SBF2: variants seen among roughly 807,000 people sequenced by gnomAD.
SBF2 encodes the protein SET binding factor 2.
A neutral mutation model predicts 225.2 loss-of-function variants in SBF2; 112 were observed. The observed-to-expected ratio is 0.50, with a 90% confidence interval of 0.43 to 0.58. The LOEUF is 0.58. Ranked by LOEUF, SBF2 falls within the 20% of genes least tolerant of loss-of-function variation. The pLI is 0.00. For synonymous variants in SBF2, 763 were observed against 773.3 expected (o/e 0.99, Z 0.22); for missense variants, 1,996 against 2,206.2 (o/e 0.90, Z 1.91).
upstream of SBF2, among the ~76,000 whole-genome samples, chr11:10,298,183 G>C (rs1027665398): frequency 6.6e-6 from 1 of 152,174 alleles, no homozygotes; most frequent in Non-Finnish European, 1.5e-5. Context: ...CTAAGGTCAG[G>C]AGTTCAAGAC....
intron 2 of SBF2, among the ~76,000 whole-genome samples, chr11:10,145,059 G>A (rs1954824478): frequency 6.6e-6 from 1 of 152,168 alleles, no homozygotes; most frequent in Admixed American, 6.5e-5. Flanking sequence ...GGAGTATGGG[G>A]ATTAGGAATT....
intron 2 of SBF2, among the ~76,000 whole-genome samples, chr11:10,130,594 T>A (rs998511884): frequency 6.6e-6 from 1 of 151,850 alleles, no homozygotes. Context: ...TGTCATTTTA[T>A]CACATGCATA....
intron 1 of SBF2, among the ~76,000 whole-genome samples, chr11:10,226,326 T>G (rs1179423156): frequency 3.3e-5 from 5 of 152,146 alleles, no homozygotes; most frequent in Non-Finnish European, 7.3e-5. Flanking sequence ...ATGTATTTTT[T>G]TCTTAATTTT....
At position 9,962,121 on chromosome 11, in the gene SBF2, G is replaced by A. The variant is rs566685740; in HGVS notation, c.1711-15C>T. The A allele has an allele frequency of 5.6e-6, 9 of 1,613,384 alleles. No homozygotes were observed. The South Asian group carries it at 8.8e-5, about 16-fold the overall frequency. On this transcript the variant is annotated splice_polypyrimidine_tract_variant and intron_variant, in intron 15 of 39. Coordinates refer to ENST00000256190, the MANE Select transcript of SBF2 (RefSeq NM_030962.4). ...GCAGGAAGGGTCTGAGGACAAGAGA[G>A]GTACAAATGACCAAATGGTACCACT...
chr11:9,807,463 A>T (rs1386823493), intron 32 of SBF2, among the ~76,000 whole-genome samples: 1 of 152,220 alleles, frequency 6.6e-6, no homozygotes, highest in Non-Finnish European at 1.5e-5. Flanking sequence ...TCATTGCAAA[A>T]GACATGATTT....
At chr11:10,104,579 T>A (rs958573785) in intron 2 of SBF2, among the ~76,000 whole-genome samples, 27 of 152,190 alleles carry the variant, frequency 1.8e-4, no homozygotes, top group Non-Finnish European at 3.4e-4. Context: ...GCTGGTACTG[T>A]GCTAAGAGCT....
At chr11:10,027,138 A>C (rs1793858316) in intron 6 of SBF2, among the ~76,000 whole-genome samples, 1 of 152,140 alleles carries the variant, frequency 6.6e-6, no homozygotes, top group South Asian at 2.1e-4. Context: ...AGTATACAAT[A>C]CATTGTTATT....
rs533392432 is a variant in SBF2 at position 10,187,084 on chromosome 11, G to C, written c.141+6818C>G. On this transcript the variant is annotated intron_variant, in intron 2 of 39. Coordinates refer to ENST00000256190, the MANE Select transcript of SBF2 (RefSeq NM_030962.4). ...ATTACAGCTAACTGGCTTTGTGATT[G>C]ACTTCTGATTAATAGAATATGGATA... is the stretch of plus-strand genomic sequence containing the variant. Among the ~76,000 whole-genome samples, 4 of 152,228 alleles carry C rather than the reference G, an allele frequency of 2.6e-5. No homozygotes were observed. The East Asian group carries it at 7.7e-4, about 29-fold the overall frequency.
intron 16 of SBF2, among the ~76,000 whole-genome samples, chr11:9,907,289 C>T (rs1590396406): frequency 6.6e-6 from 1 of 152,134 alleles, no homozygotes. Context: ...CCCACCCGAC[C>T]ATATGGGCCC....
At chr11:10,075,336 A>G (rs533643776) in intron 2 of SBF2, among the ~76,000 whole-genome samples, 1 of 152,366 alleles carries the variant, frequency 6.6e-6, no homozygotes, top group Non-Finnish European at 1.5e-5. Flanking sequence ...ACACTGTTAT[A>G]GAATTATGAC....
At chr11:10,142,922 C>T (rs1049993013) in intron 2 of SBF2, among the ~76,000 whole-genome samples, 1 of 152,188 alleles carries the variant, frequency 6.6e-6, no homozygotes. Flanking sequence ...AAAGGTACCA[C>T]TTGGCAATGC....
chr11:10,225,831 C>T lies in SBF2; in HGVS notation c.56-31844G>A, dbSNP rs1958517200. Among the ~76,000 whole-genome samples the T allele has an allele frequency of 1.3e-5, 2 of 152,110 alleles. 1 individual carries two copies. Among genetic ancestry groups the T allele is most frequent in the South Asian group, 4.1e-4 (2 of 4,832 alleles). ...GCAAAAGTTAAATTGACTGACAATGCCCACAGCTGATGAGATCTTTTTTAA... is the reference window on the plus strand; with the variant it reads ...GCAAAAGTTAAATTGACTGACAATGTCCACAGCTGATGAGATCTTTTTTAA... On this transcript the variant is annotated intron_variant, in intron 1 of 39. Transcript: ENST00000256190.
chr11:10,049,335 G>A (rs977383750), intron 2 of SBF2, among the ~76,000 whole-genome samples: 4 of 152,126 alleles, frequency 2.6e-5, no homozygotes, highest in Non-Finnish European at 2.9e-5. Context: ...GGCTGGGTGC[G>A]ATGGCTCACG....
chr11:9,905,221 CTA>C (rs1483444134), intron 16 of SBF2, among the ~76,000 whole-genome samples: 1 of 152,164 alleles, frequency 6.6e-6, no homozygotes, highest in African/African-American at 2.4e-5. Context: ...ATATCACACT[CTA>C]TTGTGATTAT....
Position 9,781,543 on chromosome 11 carries a change from T to G in SBF2, c.5415A>C (p.Gly1805=). 1 of 1,614,200 alleles carries G rather than the reference T, an allele frequency of 6.2e-7. No homozygotes were observed. Residue 1805 remains glycine (G), a synonymous_variant, in exon 39 of 40, where the codon GGA becomes GGC. Transcript: ENST00000256190. Reference sequence around the variant, plus strand: ...CCTTGTCACTTGTGTGCTTTGGGGCTCCCATGCTGGGGCCAGCAGGGATGA... The same window carrying G: ...CCTTGTCACTTGTGTGCTTTGGGGCGCCCATGCTGGGGCCAGCAGGGATGA... ...EMVIPAGPSM[G]APKHTSDKAF... is the part of the protein sequence containing the mutation.
intron 1 of SBF2, among the ~76,000 whole-genome samples, chr11:10,280,880 CA>C (rs1963363566): frequency 6.6e-6 from 1 of 152,110 alleles, no homozygotes; most frequent in African/African-American, 2.4e-5. Flanking sequence ...TCTCCTTACC[CA>C]AAAATTGGAC....
chr11:9,950,670 A>G (rs977787356), intron 16 of SBF2, among the ~76,000 whole-genome samples: 1 of 152,204 alleles, frequency 6.6e-6, no homozygotes, highest in Admixed American at 6.5e-5. Flanking sequence ...AATTATCAAC[A>G]TGTCCGTCAA....
chr11:9,919,171 C>A (rs1172353477), intron 16 of SBF2, among the ~76,000 whole-genome samples: 1 of 152,090 alleles, frequency 6.6e-6, no homozygotes, highest in Non-Finnish European at 1.5e-5. Context: ...TTTCTTTATA[C>A]CACTATTGTT....
rs750147673 is a variant in SBF2, at chr11:9,877,199, T to C, written c.1929+18744A>G. On this transcript the variant is annotated intron_variant, in intron 17 of 39. Transcript: ENST00000256190. Reference sequence around the variant, plus strand: ...CCATAATAACAATACAAAGTATTAGTATTTCTATGACAACAATGATGATCA... The same window carrying C: ...CCATAATAACAATACAAAGTATTAGCATTTCTATGACAACAATGATGATCA... Among the ~76,000 whole-genome samples the C allele has an allele frequency of 2.2e-4, 34 of 152,216 alleles. 1 individual carries two copies. Among genetic ancestry groups the C allele is most frequent in the Non-Finnish European group, 4.6e-4 (31 of 68,034 alleles).
Sources: allele counts gnomAD v4.1 joint callset (sites outside exome capture counted in the v4.1 genomes callset), GRCh38; gene constraint gnomAD v4.1.1; transcripts MANE v1.5; gene names NCBI Gene and HGNC (gene_info 2026-07-23, HGNC 2026-07-21).